Variants in STIM1 observed in about 807,000 individuals in gnomAD.
The protein encoded by STIM1 is stromal interaction molecule 1.
In STIM1, 25 loss-of-function variants were observed where a neutral mutation model predicts 74.7. The observed-to-expected ratio is 0.33, with a 90% confidence interval of 0.24 to 0.47. The LOEUF is 0.47. STIM1 is among the 20% of genes least tolerant of loss of function. The probability of loss-of-function intolerance (pLI) is 1.00; values close to 1 mark genes in which losing one functional copy is unlikely to be tolerated. For synonymous variants in STIM1, 328 were observed against 348.8 expected (o/e 0.94, Z 0.66); for missense variants, 728 against 920.8 (o/e 0.79, Z 2.71).
intron 1 of STIM1, among the ~76,000 whole-genome samples, chr11:3,925,204 G>C (rs2092772647): frequency 6.6e-6 from 1 of 152,154 alleles, no homozygotes; most frequent in South Asian, 2.1e-4. Context: ...AAACCATCCT[G>C]GCCAACATGG....
chr11:4,063,517 A>T (rs1590684510), intron 5 of STIM1, among the ~76,000 whole-genome samples: 4 of 152,354 alleles, frequency 2.6e-5, no homozygotes, highest in Admixed American at 2.6e-4. Context: ...TTTAGACATA[A>T]TGCTATTATA....
intron 2 of STIM1, among the ~76,000 whole-genome samples, chr11:4,017,593 C>T (rs2093910513): frequency 1.3e-5 from 2 of 152,104 alleles, no homozygotes; most frequent in Admixed American, 1.3e-4. Context: ...GAGAAAATCC[C>T]CTTCCTTGGA....
At chr11:3,917,698 T>C (rs1415627442) in intron 1 of STIM1, among the ~76,000 whole-genome samples, 1 of 152,182 alleles carries the variant, frequency 6.6e-6, no homozygotes, top group Non-Finnish European at 1.5e-5. Context: ...CCTCTCAAAG[T>C]GTTGGGACTG....
intron 3 of STIM1, among the ~76,000 whole-genome samples, chr11:4,041,154 G>A (rs1216326344): frequency 1.3e-5 from 2 of 152,170 alleles, no homozygotes; most frequent in Non-Finnish European, 2.9e-5. Flanking sequence ...GTTTTGTGAT[G>A]CCTTTTCTGA....
At chr11:4,076,700 T>G (rs939791902) in intron 7 of STIM1, among the ~76,000 whole-genome samples, 6 of 151,098 alleles carry the variant, frequency 4.0e-5, no homozygotes, top group Non-Finnish European at 7.4e-5. Flanking sequence ...TTCCCCCAAG[T>G]AAGGTGATCA....
chr11:4,050,152 G>T (rs1432813083), intron 3 of STIM1, among the ~76,000 whole-genome samples: 2 of 152,146 alleles, frequency 1.3e-5, no homozygotes, highest in Admixed American at 1.3e-4. Context: ...CTTGATTTGG[G>T]TTATGTACTC....
In STIM1 at chr11:3,880,636, C is replaced by A. The variant is rs190779784; in HGVS notation, c.139+24227C>A. ...TCCAAAGCTGTTTGTTAAATACTTCCCTACTCTTCCTAAACCCCTGCCCCT... is the reference window on the plus strand; with the variant it reads ...TCCAAAGCTGTTTGTTAAATACTTCACTACTCTTCCTAAACCCCTGCCCCT... On this transcript the variant is annotated intron_variant, in intron 1 of 12. Coordinates refer to ENST00000526596, the MANE Select transcript of STIM1 (RefSeq NM_001382567.1). Among the ~76,000 whole-genome samples the A allele has an allele frequency of 2.6e-5, 4 of 152,230 alleles. No homozygotes were observed. In the East Asian group the frequency reaches 7.7e-4, roughly 29 times the overall value.
intron 1 of STIM1, 36 bp from the exon 2 acceptor site, chr11:3,967,516 C>T: frequency 6.2e-7 from 1 of 1,613,738 alleles, no homozygotes. Context: ...TGGGTGGCAG[C>T]TCTGAGTAAT....
intron 1 of STIM1, among the ~76,000 whole-genome samples, chr11:3,953,295 G>C (rs1283326156): frequency 6.6e-6 from 1 of 152,210 alleles, no homozygotes; most frequent in Non-Finnish European, 1.5e-5. Flanking sequence ...GAACACTAAA[G>C]AATTTAAGGC....
chr11:3,877,073 T>G (rs930276356), intron 1 of STIM1, among the ~76,000 whole-genome samples: 1 of 151,810 alleles, frequency 6.6e-6, no homozygotes, highest in Non-Finnish European at 1.5e-5. Flanking sequence ...TTAAAACCTT[T>G]TCTATAAGGC....
At chr11:3,928,227 AT>A (rs373423422) in intron 1 of STIM1, among the ~76,000 whole-genome samples, 42,671 of 140,354 alleles carry the variant, frequency 0.3, 5,615 homozygotes, top group South Asian at 0.44. Flanking sequence ...GTAACAGTCC[AT>A]TTTTTTTTTT....
intron 3 of STIM1, 74 bp from the exon 4 acceptor site, chr11:4,055,452 A>T: frequency 8.8e-7 from 1 of 1,130,824 alleles, no homozygotes; most frequent in Non-Finnish European, 1.3e-6. Context: ...GGTAAATATT[A>T]AGGTCAGCAT....
At chr11:3,994,177 G>A (rs940937989) in intron 2 of STIM1, among the ~76,000 whole-genome samples, 1 of 152,160 alleles carries the variant, frequency 6.6e-6, no homozygotes, top group Non-Finnish European at 1.5e-5. Context: ...CTTTGATCAT[G>A]TTATCCCATT....
At chr11:3,937,023 C>A (rs1018859985) in intron 1 of STIM1, among the ~76,000 whole-genome samples, 2 of 151,952 alleles carry the variant, frequency 1.3e-5, no homozygotes, top group African/African-American at 4.8e-5. Flanking sequence ...TTAATCTCTG[C>A]AGCTGGGTGC....
chr11:3,901,689 C>G (rs113937994), intron 1 of STIM1, among the ~76,000 whole-genome samples: 344 of 152,306 alleles, frequency 2.3e-3, no homozygotes, highest in African/African-American at 7.9e-3. Context: ...CCACCAGTCC[C>G]TGGTTATGTC....
chr11:3,874,894 T>A (rs891096497), intron 1 of STIM1, among the ~76,000 whole-genome samples: 1 of 152,224 alleles, frequency 6.6e-6, no homozygotes, highest in Non-Finnish European at 1.5e-5. Flanking sequence ...GCCCCCTGTG[T>A]CTTTCTGATT....
At chr11:3,983,088 C>G (rs552885220) in intron 2 of STIM1, among the ~76,000 whole-genome samples, 2 of 152,204 alleles carry the variant, frequency 1.3e-5, no homozygotes, top group Admixed American at 1.3e-4. Flanking sequence ...TGCACCACCA[C>G]GCCTGGCTAA....
intron 2 of STIM1, chr11:3,973,026 G>T: frequency 2.1e-6 from 1 of 476,752 alleles, no homozygotes. Context: ...CTCCATCGTT[G>T]TTATAGCTGT....
intron 2 of STIM1, among the ~76,000 whole-genome samples, chr11:3,985,172 T>C (rs1224065292): frequency 1.3e-5 from 2 of 152,210 alleles, no homozygotes; most frequent in East Asian, 1.9e-4. Context: ...ATAGGGAAAT[T>C]CTTTCTCACT....
Sources: allele counts gnomAD v4.1 joint callset (sites outside exome capture counted in the v4.1 genomes callset), GRCh38; gene constraint gnomAD v4.1.1; transcripts MANE v1.5; gene names NCBI Gene and HGNC (gene_info 2026-07-23, HGNC 2026-07-21).